GIGYF2: variants seen among roughly 807,000 people sequenced by gnomAD.
The protein encoded by GIGYF2 is GRB10 interacting GYF protein 2.
GIGYF2 carries 25 observed loss-of-function variants against 208.1 expected under a neutral mutation model. The ratio of observed to expected loss-of-function variants is 0.12; its 90% CI spans 0.09 to 0.17. The LOEUF (loss-of-function observed/expected upper bound fraction) is 0.17, where lower values mean the gene tolerates loss of function less well. Among genes scored for constraint, GIGYF2 ranks in the 10% least tolerant of loss-of-function variants. The pLI, the probability that GIGYF2 is intolerant of heterozygous loss-of-function variation, is 1.00. For synonymous variants in GIGYF2, 534 were observed against 543.8 expected (o/e 0.98, Z 0.25); for missense variants, 1,302 against 1,579.4 (o/e 0.82, Z 2.98).
At chr2:232,749,159 A>G (rs1297797146) in intron 5 of GIGYF2, 77 bp downstream of exon 5, 1 of 803,864 alleles carries the variant, frequency 1.2e-6, no homozygotes, top group African/African-American at 1.7e-5. Context: ...GTTACTATTT[A>G]TGCTCTAAGG....
intron 3 of GIGYF2, among the ~76,000 whole-genome samples, chr2:232,743,323 CAAAT>C (rs377071390): frequency 4.7e-4 from 72 of 152,104 alleles, no homozygotes; most frequent in African/African-American, 1.6e-3. Context: ...AAGTTTTAAA[CAAAT>C]GAGGAGATAT....
At chr2:232,764,960 G>A (rs764596895) in intron 8 of GIGYF2, among the ~76,000 whole-genome samples, 1 of 152,016 alleles carries the variant, frequency 6.6e-6, no homozygotes, top group East Asian at 1.9e-4. Context: ...TCTTTGAAAA[G>A]GCAGGTTCCA....
At chr2:232,779,706 A>G (rs960909747) in intron 8 of GIGYF2, among the ~76,000 whole-genome samples, 1 of 152,322 alleles carries the variant, frequency 6.6e-6, no homozygotes, top group Middle Eastern at 3.4e-3. Context: ...GACCTTTTTC[A>G]GAGATTCTGA....
chr2:232,837,120 A>G (rs982756424), intron 22 of GIGYF2, among the ~76,000 whole-genome samples: 1 of 152,198 alleles, frequency 6.6e-6, no homozygotes, highest in African/African-American at 2.4e-5. Flanking sequence ...TTTCCATCCT[A>G]TGAGTGGGGC....
At chr2:232,839,707 A>T in intron 22 of GIGYF2, 142 bp from the exon 23 acceptor site, 1 of 854,048 alleles carries the variant, frequency 1.2e-6, no homozygotes, top group Non-Finnish European at 1.9e-6. Context: ...AAGTAAAAGC[A>T]ATGAAGAAGG....
chr2:232,793,082 GA>G (rs1240055635), intron 12 of GIGYF2, among the ~76,000 whole-genome samples: 6 of 152,290 alleles, frequency 3.9e-5, no homozygotes, highest in African/African-American at 1.4e-4. Context: ...TGAATTGGGA[GA>G]AGGCATTCCA....
At chr2:232,723,472 C>A (rs1295691661) in intron 2 of GIGYF2, among the ~76,000 whole-genome samples, 1 of 149,728 alleles carries the variant, frequency 6.7e-6, no homozygotes, top group African/African-American at 2.5e-5. Context: ...GCTCTGTCAC[C>A]CAGGCTGGAG....
intron 23 of GIGYF2, among the ~76,000 whole-genome samples, chr2:232,843,767 C>T (rs1701903631): frequency 1.3e-5 from 2 of 152,040 alleles, no homozygotes; most frequent in South Asian, 2.1e-4. Flanking sequence ...GCGGAGGTTC[C>T]AGTGGGCTGA....
intron 19 of GIGYF2, 163 bp downstream of exon 19, chr2:232,815,900 T>TC: frequency 5.1e-6 from 3 of 586,300 alleles, no homozygotes; most frequent in African/African-American, 1.9e-5. Context: ...TGCTCTCTTC[T>TC]CCCAAAAAAA....
chr2:232,744,657 G>C (rs1485201936), intron 3 of GIGYF2, among the ~76,000 whole-genome samples: 1 of 151,526 alleles, frequency 6.6e-6, no homozygotes, highest in South Asian at 2.1e-4. Context: ...TCAGCCTCCT[G>C]AGTAGCTGGG....
chr2:232,798,778 T>G (rs1700300426), intron 14 of GIGYF2, among the ~76,000 whole-genome samples: 1 of 151,716 alleles, frequency 6.6e-6, no homozygotes, highest in South Asian at 2.1e-4. Flanking sequence ...TTGGATTGTT[T>G]GCTTATTTTA....
chr2:232,832,242 A>G (rs1017363598), intron 21 of GIGYF2, among the ~76,000 whole-genome samples: 7 of 152,188 alleles, frequency 4.6e-5, no homozygotes, highest in Non-Finnish European at 7.3e-5. Context: ...GACTCCAAAG[A>G]TGAAGGGAAT....
At chr2:232,789,707 C>T (rs1166463840) in intron 9 of GIGYF2, among the ~76,000 whole-genome samples, 1 of 152,030 alleles carries the variant, frequency 6.6e-6, no homozygotes, top group African/African-American at 2.4e-5. Context: ...ACTCTGGCCA[C>T]ATTTCTTTTT....
intron 6 of GIGYF2, 138 bp from the exon 7 acceptor site, chr2:232,760,342 C>A: frequency 1.5e-6 from 1 of 677,342 alleles, no homozygotes; most frequent in Non-Finnish European, 2.7e-6. Context: ...AAGTCAAGAT[C>A]ATCAGGCCTC....
intron 6 of GIGYF2, among the ~76,000 whole-genome samples, chr2:232,759,488 G>A (rs974672597): frequency 7.2e-5 from 11 of 151,880 alleles, no homozygotes; most frequent in Non-Finnish European, 1.0e-4. Flanking sequence ...TGGATATATA[G>A]CCTTCTTGAC....
intron 2 of GIGYF2, chr2:232,731,149 A>G (rs562842654): frequency 2.6e-4 from 40 of 152,270 alleles, no homozygotes; most frequent in African/African-American, 9.1e-4. Flanking sequence ...GGCTTCGTTT[A>G]TATTTCAAGA....
chr2:232,807,814 C>T (rs1041951015), intron 15 of GIGYF2, among the ~76,000 whole-genome samples: 1 of 152,274 alleles, frequency 6.6e-6, no homozygotes, highest in Admixed American at 6.5e-5. Flanking sequence ...TCAGGTGGTC[C>T]TCCCACCTTG....
At chr2:232,720,279 C>A (rs973096763) in intron 2 of GIGYF2, among the ~76,000 whole-genome samples, 10 of 152,110 alleles carry the variant, frequency 6.6e-5, no homozygotes, top group Non-Finnish European at 2.9e-5. Context: ...TGAACTCATC[C>A]TTTTTTATGG....
intron 25 of GIGYF2, 123 bp from the exon 26 acceptor site, chr2:232,845,609 C>A (rs953295618): frequency 1.2e-6 from 1 of 865,094 alleles, no homozygotes. Context: ...TTTTTGGAGC[C>A]AAGCATTGGA....
Sources: allele counts gnomAD v4.1 joint callset (sites outside exome capture counted in the v4.1 genomes callset), GRCh38; gene constraint gnomAD v4.1.1; transcripts MANE v1.5; gene names NCBI Gene and HGNC (gene_info 2026-07-23, HGNC 2026-07-21).